RABGEF1: variants seen among roughly 807,000 people sequenced by gnomAD.
RABGEF1 encodes RAB guanine nucleotide exchange factor 1, also known as rab5 GDP/GTP exchange factor.
A neutral mutation model predicts 57.3 loss-of-function variants in RABGEF1; 26 were observed. The ratio of observed to expected loss-of-function variants is 0.45; its 90% CI spans 0.33 to 0.63. The LOEUF (loss-of-function observed/expected upper bound fraction) is 0.63, where lower values mean the gene tolerates loss of function less well. Ranked by LOEUF, RABGEF1 falls within the 20% of genes least tolerant of loss-of-function variation. RABGEF1 has a pLI of 0.02. For synonymous variants in RABGEF1, 185 were observed against 210.7 expected (o/e 0.88, Z 1.06); for missense variants, 464 against 607.6 (o/e 0.76, Z 2.48).
chr7:66,782,297 C>T (rs1810109700), intron 3 of RABGEF1, among the ~76,000 whole-genome samples: 2 of 152,058 alleles, frequency 1.3e-5, no homozygotes, highest in Non-Finnish European at 2.9e-5. Flanking sequence ...TTGTCTCTTG[C>T]CCATCTAGTT....
In RABGEF1 at chr7:66,789,682, C is replaced by CAAA. The variant is rs35661980; in HGVS notation, c.514-5805_514-5803dup. 9.2e-4 allele frequency among the ~76,000 whole-genome samples: 53 copies of CAAA among 57,472 alleles called. 2 individuals carry two copies. The highest frequency in any genetic ancestry group is 2.6e-3 in the African/African-American group (35 of 13,364). 37.7% of individuals were successfully genotyped at this position (57,472 alleles called of 152,430 possible). A position where few individuals can be genotyped will look rare whatever the true frequency, so the allele number is the denominator to read the frequency against. ...TCAGCATCGGAGCGAGACTCTATCT[C>CAAA]AAAAAAAAAAAAAAAAAAAAAAAAA... is the stretch of plus-strand genomic sequence containing the variant. On this transcript the variant is annotated intron_variant, in intron 4 of 8. Transcript: ENST00000284957.
intron 1 of RABGEF1, among the ~76,000 whole-genome samples, chr7:66,746,267 T>C (rs1258591930): frequency 2.0e-5 from 3 of 152,154 alleles, no homozygotes; most frequent in Non-Finnish European, 2.9e-5. Context: ...ATGAAGTTAC[T>C]GTCAGTGGGA....
rs527837864 is a variant in RABGEF1 at position 66,775,107 on chromosome 7, C to G, written c.180-120C>G. On this transcript the variant is annotated intron_variant, in intron 2 of 8. Transcript: ENST00000284957. ...AATGTGAGACCTCAGACTGATTTGG[C>G]ATATTTAGTCTCTAGGTCTAAAATC... is the stretch of plus-strand genomic sequence containing the variant. The G allele has an allele frequency of 3.7e-6, 4 of 1,069,564 alleles. No homozygotes were observed. The African/African-American group carries it at 4.8e-5, about 13-fold the overall frequency. 66.3% of individuals were successfully genotyped at this position (1,069,564 alleles called of 1,614,324 possible).
the RABGEF1 span, among the ~76,000 whole-genome samples, chr7:66,664,431 T>G: frequency 2.0e-5 from 3 of 151,554 alleles, no homozygotes; most frequent in South Asian, 2.1e-4. Flanking sequence ...GTTTTTTGTT[T>G]TTTTTTTTTT....
intron 4 of RABGEF1, among the ~76,000 whole-genome samples, chr7:66,792,397 A>G (rs904138429): frequency 1.3e-4 from 20 of 152,240 alleles, no homozygotes; most frequent in Admixed American, 1.2e-3. Flanking sequence ...CTCCTGGGTC[A>G]GAGACAAAGG....
At chr7:66,663,347 C>G in the RABGEF1 span, among the ~76,000 whole-genome samples, 2 of 152,148 alleles carry the variant, frequency 1.3e-5, no homozygotes, top group Non-Finnish European at 2.9e-5. Flanking sequence ...GTGTGTGTGT[C>G]TTTAATTCCT....
intron 1 of RABGEF1, among the ~76,000 whole-genome samples, chr7:66,704,266 C>A (rs567783850): frequency 6.6e-6 from 1 of 152,256 alleles, no homozygotes; most frequent in South Asian, 2.1e-4. Context: ...CAGGTTATTT[C>A]TTAATTAACC....
intron 1 of RABGEF1, among the ~76,000 whole-genome samples, chr7:66,769,465 G>A (rs1395583681): frequency 3.3e-5 from 5 of 152,194 alleles, no homozygotes; most frequent in Non-Finnish European, 7.3e-5. Context: ...TCAATCTTTA[G>A]TTAGGCTTCC....
chr7:66,705,948 TGCGGGCTGCAGTG>T (rs1370183699), intron 1 of RABGEF1, among the ~76,000 whole-genome samples: 7 of 132,240 alleles, frequency 5.3e-5, no homozygotes, highest in Non-Finnish European at 9.4e-5. Context: ...CAGGCCGGAC[TGCGGGCTGCAGTG>T]GCGCAATCTC....
intron 1 of RABGEF1, among the ~76,000 whole-genome samples, chr7:66,704,153 C>G (rs1322807407): frequency 6.6e-6 from 1 of 152,234 alleles, no homozygotes; most frequent in Non-Finnish European, 1.5e-5. Context: ...GCAAGCCACA[C>G]TGGGGGCACA....
intron 5 of RABGEF1, among the ~76,000 whole-genome samples, chr7:66,795,970 C>T (rs1813938422): frequency 6.6e-6 from 1 of 152,138 alleles, no homozygotes; most frequent in African/African-American, 2.4e-5. Flanking sequence ...GAAACCCCGC[C>T]TCTATTAAAA....
the RABGEF1 span, among the ~76,000 whole-genome samples, chr7:66,676,371 A>C: frequency 1.1e-3 from 162 of 152,226 alleles, no homozygotes; most frequent in African/African-American, 3.6e-3. Context: ...CACATATACC[A>C]AAATCCTCAC....
At chr7:66,692,221 G>A (rs2117137700) in intron 1 of RABGEF1, among the ~76,000 whole-genome samples, 1 of 152,310 alleles carries the variant, frequency 6.6e-6, no homozygotes, top group East Asian at 1.9e-4. Flanking sequence ...ATCACAGAAA[G>A]TTCAACTGGG....
chr7:66,759,433 C>G (rs906813768), intron 1 of RABGEF1, among the ~76,000 whole-genome samples: 1 of 152,190 alleles, frequency 6.6e-6, no homozygotes, highest in Non-Finnish European at 1.5e-5. Context: ...ATTGTGAAAG[C>G]TCATGTACAC....
chr7:66,720,192 TTA>T (rs200557777), intron 2 of RABGEF1, among the ~76,000 whole-genome samples: 1,882 of 80,126 alleles, frequency 0.023, 11 homozygotes, highest in South Asian at 0.083. Context: ...ATTATTATTA[TTA>T]TTTTTTTTTT....
chr7:66,726,626 C>CAA (rs1452554068), intron 2 of RABGEF1, among the ~76,000 whole-genome samples: 1 of 152,014 alleles, frequency 6.6e-6, no homozygotes, highest in African/African-American at 2.4e-5. Context: ...CTCAGCCTCC[C>CAA]AAAGTGCTGG....
intron 2 of RABGEF1, among the ~76,000 whole-genome samples, chr7:66,714,345 G>T (rs556221608): frequency 4.6e-5 from 7 of 152,128 alleles, no homozygotes; most frequent in Admixed American, 2.0e-4. Flanking sequence ...TTAAATTTAT[G>T]ATATAGACTT....
intron 4 of RABGEF1, among the ~76,000 whole-genome samples, chr7:66,791,233 A>G (rs182338255): frequency 3.3e-5 from 5 of 152,194 alleles, no homozygotes; most frequent in African/African-American, 1.2e-4. Context: ...CATCACCTTT[A>G]TTTTGCCAGT....
chr7:66,681,871 G>A (rs376232108), upstream of RABGEF1, among the ~76,000 whole-genome samples: 571 of 152,214 alleles, frequency 3.8e-3, 6 homozygotes, highest in Non-Finnish European at 4.1e-3. Flanking sequence ...CCGCTGCTGC[G>A]CATCGGGAGC....
Sources: gnomAD v4.1 joint callset for allele counts (sites outside exome capture counted in the v4.1 genomes callset) on GRCh38, gnomAD v4.1.1 for gene constraint, MANE v1.5 for transcripts, NCBI Gene and HGNC (gene_info 2026-07-23, HGNC 2026-07-21) for gene names.